The following MBP variants were observed in gnomAD, a reference collection of about 807,000 sequenced individuals.
MBP encodes the protein myelin basic protein.
Under a neutral mutation model 35.8 loss-of-function variants are expected in MBP, and 16 were observed. That is an observed-to-expected ratio of 0.45 (90% confidence interval 0.30 to 0.68). The LOEUF is 0.68. MBP is among the 30% of genes least tolerant of loss of function. The pLI is 0.08. For synonymous variants in MBP, 143 were observed against 159.6 expected, an observed-to-expected ratio of 0.90 and a Z score of 0.78; for missense variants, 380 against 404.7, an observed-to-expected ratio of 0.94 and a Z score of 0.52.
At chr18:76,985,418 G>A in intron 7 of MBP, 1 of 1,208,764 alleles carries the variant, frequency 8.3e-7, no homozygotes, top group South Asian at 1.5e-5. Flanking sequence ...GTGCCCTGTG[G>A]TTCTAGGATC....
chr18:76,982,104 C>G (rs986243394), intron 8 of MBP: 1 of 152,232 alleles, frequency 6.6e-6, no homozygotes, highest in African/African-American at 2.4e-5. Flanking sequence ...GCAGGAAACC[C>G]GTTTTTCCCC....
chr18:76,980,117 G>T lies in MBP; in HGVS notation c.*310C>A. 1 of 678,696 alleles carries T rather than the reference G, an allele frequency of 1.5e-6. No individual in the cohort carries two copies. Among genetic ancestry groups the T allele is most frequent in the South Asian group, 1.6e-5 (1 of 63,730 alleles). The allele number at this position is 678,696 out of a possible 1,614,324, so 42.0% of individuals were successfully genotyped here. ...AAAGTCCAAGGGTGGAGGGGTGAAC[G>T]TGGAGGGACGTCTGTGCACCTGGCC... On this transcript the variant is annotated 3_prime_UTR_variant, in exon 9 of 9. Coordinates refer to ENST00000355994, the MANE Select transcript of MBP (RefSeq NM_001025101.2).
intron 1 of MBP, among the ~76,000 whole-genome samples, chr18:77,110,699 C>T (rs1483015821): frequency 6.6e-6 from 1 of 152,070 alleles, no homozygotes; most frequent in Non-Finnish European, 1.5e-5. Context: ...GTGTATGGAA[C>T]TTTTGTTCTA....
Position 77,061,639 on chromosome 18 carries a change from C to T in MBP, c.139+4659G>A, listed in dbSNP as rs116761911. ...GCTGGGCAGCTCAGAGTGAAACGGG[C>T]GGCTCCCTGCAGCCATTGTCACATG... is the stretch of plus-strand genomic sequence containing the variant. On this transcript the variant is annotated intron_variant, in intron 3 of 8. Transcript: ENST00000355994. 4.2e-3 allele frequency among the ~76,000 whole-genome samples: 640 copies of T among 152,278 alleles called. 3 individuals are homozygous for T. The highest frequency in any genetic ancestry group is 0.014 in the African/African-American group (576 of 41,552).
intron 3 of MBP, among the ~76,000 whole-genome samples, chr18:77,034,966 G>A (rs781274503): frequency 4.6e-5 from 7 of 152,208 alleles, no homozygotes; most frequent in African/African-American, 1.4e-4. Flanking sequence ...GCACTGCTCC[G>A]TGGCTAAACT....
intron 2 of MBP, among the ~76,000 whole-genome samples, chr18:77,069,723 G>C (rs1050364750): frequency 5.3e-5 from 8 of 152,184 alleles, no homozygotes; most frequent in Non-Finnish European, 2.9e-5. Flanking sequence ...TTTCGAGGGT[G>C]GGGGCAGCAT....
At chr18:77,063,120 A>C (rs569484041) in intron 3 of MBP, among the ~76,000 whole-genome samples, 28 of 152,304 alleles carry the variant, frequency 1.8e-4, no homozygotes, top group Admixed American at 1.3e-3. Context: ...TCTCATTTAG[A>C]GTCACTTTAT....
chr18:76,989,672 C>A lies in MBP; in HGVS notation c.681+284G>T. 1 of 384,788 alleles carries A rather than the reference C, an allele frequency of 2.6e-6. No individual in the cohort carries two copies. Among genetic ancestry groups the A allele is most frequent in the Non-Finnish European group, 4.8e-6 (1 of 207,896 alleles). The allele number at this position is 384,788 out of a possible 1,614,324, so 23.8% of individuals were successfully genotyped here. ...AAGCACTCTCCATAGGTTGCAAAGC[C>A]TGTGTTTTTAGGCTAAGCGTTACAT... On this transcript the variant is annotated intron_variant, in intron 5 of 8. Coordinates refer to ENST00000355994, the MANE Select transcript of MBP (RefSeq NM_001025101.2). The surrounding 1 kb of genome is among the most constrained non-coding windows in gnomAD (Gnocchi z 4.0).
chr18:77,045,148 G>T (rs1973183583), intron 3 of MBP, among the ~76,000 whole-genome samples: 1 of 152,174 alleles, frequency 6.6e-6, no homozygotes, highest in Non-Finnish European at 1.5e-5. Flanking sequence ...ACATTATGTT[G>T]GTTGGAGAAA....
In MBP at chr18:77,101,585, G is replaced by A. The variant is rs146706084; in HGVS notation, c.51+3626C>T. ...TCTGACCCTCAACTGGCCCAGGAAG[G>A]TGGCTCAACCACTTGTTACCAGGGA... On this transcript the variant is annotated intron_variant, in intron 2 of 8. Coordinates refer to ENST00000355994, the MANE Select transcript of MBP (RefSeq NM_001025101.2). The surrounding 1 kb of genome is among the most constrained non-coding windows in gnomAD (Gnocchi z 4.3). Among the ~76,000 whole-genome samples the A allele has an allele frequency of 6.6e-6, 1 of 152,236 alleles. No individual in the cohort carries two copies. The highest frequency in any genetic ancestry group is 2.1e-4 in the South Asian group (1 of 4,826).
chr18:77,040,899 A>G (rs1377690112), intron 3 of MBP, among the ~76,000 whole-genome samples: 1 of 152,256 alleles, frequency 6.6e-6, no homozygotes, highest in African/African-American at 2.4e-5. Flanking sequence ...AAACACCAAA[A>G]GCAATGGCAA....
At chr18:77,009,065 T>G (rs1971169902) in intron 4 of MBP, among the ~76,000 whole-genome samples, 1 of 152,232 alleles carries the variant, frequency 6.6e-6, no homozygotes, top group South Asian at 2.1e-4. Context: ...AAAAGCCAGG[T>G]GCCACGGTGC....
chr18:77,027,710 T>TG, intron 3 of MBP, among the ~76,000 whole-genome samples: 1 of 152,294 alleles, frequency 6.6e-6, no homozygotes, highest in East Asian at 1.9e-4. Flanking sequence ...TATTTAGAGA[T>TG]GGGGTCTTGC....
Position 77,066,355 on chromosome 18 carries a change from T to C in MBP, c.82A>G (p.Lys28Glu). ...GAAAGTTCACCCAGGTTTCTCTTTT[T>C]TTCAGATTCTCCTCTGTTAGTTTCA... ...NSETNRGESEKKRNLGELSRT... is the reference protein window; with the variant it reads ...NSETNRGESEEKRNLGELSRT... Residue 28 changes from lysine (K) to glutamate (E), a missense_variant, in exon 3 of 9, where the codon AAA (lysine) becomes GAA (glutamate). Physicochemically the swap from Lys to Glu is moderately conservative, Grantham distance 56. Coordinates refer to ENST00000355994, the MANE Select transcript of MBP (RefSeq NM_001025101.2). 2 of 1,613,790 alleles carry C rather than the reference T, an allele frequency of 1.2e-6. No homozygotes were observed. The highest frequency in any genetic ancestry group is 8.5e-7 in the Non-Finnish European group (1 of 1,179,646).
In MBP at chr18:77,101,273, G is replaced by A. The variant is rs962408675; in HGVS notation, c.51+3938C>T. 6.6e-6 allele frequency among the ~76,000 whole-genome samples: 1 copy of A among 152,220 alleles called. No individual in the cohort carries two copies. The highest frequency in any genetic ancestry group is 2.4e-5 in the African/African-American group (1 of 41,462). On this transcript the variant is annotated intron_variant, in intron 2 of 8. Transcript: ENST00000355994. This position sits in a 1 kb window ranked among gnomAD's most constrained non-coding sequence, Gnocchi z 4.3. ...TCCTTCTTGGGTTCTGCCAAGTTCT[G>A]TAGTAAGATGGAGAACCAAATACAA...
chr18:77,054,305 T>A (rs889753956), intron 3 of MBP, among the ~76,000 whole-genome samples: 1 of 152,164 alleles, frequency 6.6e-6, no homozygotes, highest in Non-Finnish European at 1.5e-5. Context: ...GTGGGAGATG[T>A]CAACGAGAAG....
chr18:76,985,557 G>C (rs75819758), intron 7 of MBP: 3 of 1,104,002 alleles, frequency 2.7e-6, no homozygotes, highest in Non-Finnish European at 3.3e-6. Flanking sequence ...GCCATAGCTC[G>C]GACTGGGAGC....
chr18:77,023,590 C>T (rs17060251), intron 3 of MBP, among the ~76,000 whole-genome samples: 4 of 152,178 alleles, frequency 2.6e-5, no homozygotes, highest in South Asian at 2.1e-4. Flanking sequence ...CTAACTCATG[C>T]GCCTGCACGG....
chr18:77,012,065 G>A (rs1971384474), intron 4 of MBP, among the ~76,000 whole-genome samples: 1 of 152,198 alleles, frequency 6.6e-6, no homozygotes, highest in Admixed American at 6.5e-5. Flanking sequence ...GAGTTTAAAG[G>A]GAGGAGATGA....
Sources: gnomAD v4.1 joint callset for allele counts (sites outside exome capture counted in the v4.1 genomes callset) on GRCh38, gnomAD v4.1.1 for gene constraint, Gnocchi (gnomAD v3.1) non-coding constraint, MANE v1.5 for transcripts, NCBI Gene and HGNC (gene_info 2026-07-23, HGNC 2026-07-21) for gene names.